The following TMEM132C variants were observed in gnomAD, a reference collection of about 807,000 sequenced individuals.
The protein encoded by TMEM132C is protein phosphatase 1, regulatory subunit 152.
In TMEM132C, 29 loss-of-function variants were observed where a neutral mutation model predicts 61.4. The ratio of observed to expected loss-of-function variants is 0.47; its 90% CI spans 0.35 to 0.64. TMEM132C has a LOEUF of 0.64. Ranked by LOEUF, TMEM132C falls within the 30% of genes least tolerant of loss-of-function variation. The pLI is 0.00. For missense variants in TMEM132C, 1,408 were observed against 1,476.9 expected (o/e 0.95, Z 0.76); for synonymous variants, 656 against 633.1 (o/e 1.04, Z -0.54).
At chr12:128,423,943 GT>G (rs767432209) in intron 2 of TMEM132C, among the ~76,000 whole-genome samples, 17 of 150,660 alleles carry the variant, frequency 1.1e-4, no homozygotes, top group East Asian at 9.9e-4. Flanking sequence ...CTACTTGGGG[GT>G]GCTGAGGCAG....
At chr12:128,618,884 C>T (rs949298966) in intron 4 of TMEM132C, among the ~76,000 whole-genome samples, 1 of 152,132 alleles carries the variant, frequency 6.6e-6, no homozygotes, top group East Asian at 1.9e-4. Flanking sequence ...TTTGCATCCC[C>T]TGGGATGTAC....
At chr12:128,322,336 C>A (rs921282289) in intron 1 of TMEM132C, among the ~76,000 whole-genome samples, 1 of 152,198 alleles carries the variant, frequency 6.6e-6, no homozygotes, top group Non-Finnish European at 1.5e-5. Flanking sequence ...GCATTTGAAC[C>A]GCCTTGAGTA....
intron 3 of TMEM132C, among the ~76,000 whole-genome samples, chr12:128,553,044 C>T (rs1302158092): frequency 5.9e-5 from 9 of 152,190 alleles, no homozygotes; most frequent in Admixed American, 3.9e-4. Flanking sequence ...TGTGGACACA[C>T]GAGAGTGCAA....
At chr12:128,621,492 G>A (rs779366640) in intron 4 of TMEM132C, among the ~76,000 whole-genome samples, 14 of 152,202 alleles carry the variant, frequency 9.2e-5, no homozygotes, top group Non-Finnish European at 1.9e-4. Context: ...AGACTAGCTG[G>A]CAACATGCCA....
At chr12:128,448,465 T>G (rs11059697) in intron 2 of TMEM132C, among the ~76,000 whole-genome samples, 18,346 of 152,174 alleles carry the variant, frequency 0.12, 1,473 homozygotes, top group African/African-American at 0.22. Flanking sequence ...GATGGGGGCC[T>G]CAGGGCCATC....
chr12:128,573,843 G>A (rs1874990727), intron 3 of TMEM132C, among the ~76,000 whole-genome samples: 1 of 150,010 alleles, frequency 6.7e-6, no homozygotes, highest in African/African-American at 2.5e-5. Flanking sequence ...ATGGTTAAAT[G>A]GTAAATCTAC....
At chr12:128,450,071 G>A (rs1312161878) in intron 2 of TMEM132C, among the ~76,000 whole-genome samples, 5 of 152,208 alleles carry the variant, frequency 3.3e-5, no homozygotes, top group Non-Finnish European at 1.5e-5. Context: ...GTGCTTTCTG[G>A]AGCAGAGCTA....
At chr12:128,446,248 C>T (rs1178920884) in intron 2 of TMEM132C, among the ~76,000 whole-genome samples, 1 of 152,204 alleles carries the variant, frequency 6.6e-6, no homozygotes, top group African/African-American at 2.4e-5. Flanking sequence ...CTACCTCCTT[C>T]TGAGGTCGTC....
intron 4 of TMEM132C, among the ~76,000 whole-genome samples, chr12:128,627,919 G>T (rs1040027851): frequency 6.6e-6 from 1 of 152,214 alleles, no homozygotes. Flanking sequence ...AGGTGGCCAC[G>T]GAGCTGCTGC....
At chr12:128,380,169 G>A (rs1003763453) in intron 1 of TMEM132C, among the ~76,000 whole-genome samples, 1 of 152,242 alleles carries the variant, frequency 6.6e-6, no homozygotes, top group Admixed American at 6.5e-5. Context: ...TTACTACACA[G>A]AAAGGAAGCT....
At chr12:128,347,047 C>T (rs1190592330) in intron 1 of TMEM132C, among the ~76,000 whole-genome samples, 2 of 152,046 alleles carry the variant, frequency 1.3e-5, no homozygotes, top group Admixed American at 6.6e-5. Flanking sequence ...TATACTGTAC[C>T]CAATATGTAG....
chr12:128,459,944 T>TTGGCACC (rs1870479547), intron 2 of TMEM132C, among the ~76,000 whole-genome samples: 2 of 151,604 alleles, frequency 1.3e-5, no homozygotes, highest in Admixed American at 6.6e-5. Context: ...TGAGATTCTC[T>TTGGCACC]TGGCACCTCC....
chr12:128,479,267 C>G (rs376253004), intron 2 of TMEM132C, among the ~76,000 whole-genome samples: 2 of 152,034 alleles, frequency 1.3e-5, no homozygotes, highest in African/African-American at 2.4e-5. Context: ...ATACTAGGCT[C>G]GATACCTGGG....
At chr12:128,351,574 G>A (rs973665279) in intron 1 of TMEM132C, among the ~76,000 whole-genome samples, 5 of 152,166 alleles carry the variant, frequency 3.3e-5, no homozygotes, top group African/African-American at 1.2e-4. Context: ...GAAATATGGT[G>A]CCAGCATCTG....
chr12:128,370,651 T>C (rs1287254098), intron 1 of TMEM132C, among the ~76,000 whole-genome samples: 1 of 151,898 alleles, frequency 6.6e-6, no homozygotes, highest in African/African-American at 2.4e-5. Context: ...ACCTCTCTCC[T>C]CCAACCTTCT....
chr12:128,405,641 C>G (rs1438593966), intron 1 of TMEM132C, among the ~76,000 whole-genome samples: 1 of 152,106 alleles, frequency 6.6e-6, no homozygotes, highest in Non-Finnish European at 1.5e-5. Flanking sequence ...GGGATGTGAC[C>G]TTGGTTTTTT....
chr12:128,272,424 C>T (rs1362783615), intron 1 of TMEM132C, among the ~76,000 whole-genome samples: 1 of 152,150 alleles, frequency 6.6e-6, no homozygotes, highest in African/African-American at 2.4e-5. Context: ...CTGAAAAGAC[C>T]TTAAAATTAT....
At chr12:128,454,016 C>T (rs1870264990) in intron 2 of TMEM132C, among the ~76,000 whole-genome samples, 1 of 152,180 alleles carries the variant, frequency 6.6e-6, no homozygotes, top group South Asian at 2.1e-4. Context: ...TGAAAAAGAT[C>T]TAGCGAAGGG....
At chr12:128,394,935 A>G (rs1318008688) in intron 1 of TMEM132C, among the ~76,000 whole-genome samples, 1 of 148,692 alleles carries the variant, frequency 6.7e-6, no homozygotes. Context: ...TAGTAAAGCT[A>G]AAACACATGT....
Sources: gnomAD v4.1 joint callset for allele counts (sites outside exome capture counted in the v4.1 genomes callset) on GRCh38, gnomAD v4.1.1 for gene constraint, MANE v1.5 for transcripts, NCBI Gene and HGNC (gene_info 2026-07-23, HGNC 2026-07-21) for gene names.